The following CERS3 variants were observed in gnomAD, a reference collection of about 807,000 sequenced individuals.
CERS3 encodes the protein LAG1 homolog, ceramide synthase 3.
Under a neutral mutation model 50.3 loss-of-function variants are expected in CERS3, and 33 were observed. That is an observed-to-expected ratio of 0.66 (90% confidence interval 0.50 to 0.88). The LOEUF is 0.88. Among genes scored for constraint, CERS3 ranks in the 40% least tolerant of loss-of-function variants. CERS3 has a pLI of 0.00. For synonymous variants in CERS3, 176 were observed against 155.2 expected, an observed-to-expected ratio of 1.13 and a Z score of -0.99; for missense variants, 470 against 460.3, an observed-to-expected ratio of 1.02 and a Z score of -0.19.
intron 11 of CERS3, among the ~76,000 whole-genome samples, chr15:100,413,216 T>C (rs1567592435): frequency 6.6e-6 from 1 of 152,150 alleles, no homozygotes. Context: ...ATTCACAGCT[T>C]GAAAGTCCCA....
chr15:100,503,239 G>T (rs992670193), intron 2 of CERS3, among the ~76,000 whole-genome samples: 4 of 152,230 alleles, frequency 2.6e-5, no homozygotes, highest in Admixed American at 6.5e-5. Context: ...CTACCAGTGG[G>T]TTGGTACTAC....
intron 10 of CERS3, among the ~76,000 whole-genome samples, chr15:100,466,769 C>T (rs141339158): frequency 0.024 from 609 of 25,136 alleles, 20 homozygotes; most frequent in African/African-American, 0.04. Context: ...TCCTTCCTTC[C>T]TTCCTTCCTT....
At chr15:100,496,929 T>A (rs939833397) in intron 3 of CERS3, among the ~76,000 whole-genome samples, 20 of 152,182 alleles carry the variant, frequency 1.3e-4, no homozygotes, top group Admixed American at 1.2e-3. Context: ...CCAGATGAAT[T>A]AAGTTCTCTT....
chr15:100,417,173 G>C (rs965131174), intron 11 of CERS3, among the ~76,000 whole-genome samples: 1 of 151,650 alleles, frequency 6.6e-6, no homozygotes, highest in African/African-American at 2.4e-5. Flanking sequence ...TGAGGTACCA[G>C]GTTCATCTCA....
At chr15:100,502,075 T>C (rs575719909) in intron 2 of CERS3, among the ~76,000 whole-genome samples, 62 of 151,626 alleles carry the variant, frequency 4.1e-4, no homozygotes, top group Non-Finnish European at 7.2e-4. Flanking sequence ...TGAAATCCCA[T>C]CTCTACTAAA....
intron 9 of CERS3, among the ~76,000 whole-genome samples, chr15:100,472,388 T>A (rs1298428090): frequency 6.6e-6 from 1 of 152,138 alleles, no homozygotes; most frequent in Non-Finnish European, 1.5e-5. Context: ...AAGACTCTTG[T>A]TTTAATGTTG....
At chr15:100,419,949 T>A (rs1407065931) in intron 11 of CERS3, among the ~76,000 whole-genome samples, 1 of 135,716 alleles carries the variant, frequency 7.4e-6, no homozygotes, top group Admixed American at 7.2e-5. Flanking sequence ...GAGGGAAATT[T>A]ATAGCACTAA....
intron 11 of CERS3, among the ~76,000 whole-genome samples, chr15:100,434,162 T>C (rs992610955): frequency 6.6e-6 from 1 of 152,204 alleles, no homozygotes. Flanking sequence ...CCTAGAAGTA[T>C]GTCAGTTGCA....
intron 2 of CERS3, chr15:100,503,981 A>C (rs945752970): frequency 9.3e-6 from 3 of 323,266 alleles, no homozygotes; most frequent in East Asian, 1.7e-4. Context: ...GGTAATGGGA[A>C]GACTAGATCA....
At chr15:100,460,203 A>G (rs1010142327) in intron 10 of CERS3, among the ~76,000 whole-genome samples, 2 of 152,012 alleles carry the variant, frequency 1.3e-5, no homozygotes, top group African/African-American at 4.8e-5. Context: ...ATTTTCCCAT[A>G]TTTTCTTAAA....
At chr15:100,452,249 T>TA (rs2034200149) in intron 11 of CERS3, among the ~76,000 whole-genome samples, 1 of 152,148 alleles carries the variant, frequency 6.6e-6, no homozygotes, top group South Asian at 2.1e-4. Context: ...TCAACAAATT[T>TA]AAAAAAACTG....
At chr15:100,517,952 G>A (rs1290404303) in intron 2 of CERS3, among the ~76,000 whole-genome samples, 1 of 152,202 alleles carries the variant, frequency 6.6e-6, no homozygotes, top group African/African-American at 2.4e-5. Context: ...AATGGCATTG[G>A]GCTGGGGGAT....
At chr15:100,483,792 T>A (rs1596740287) in intron 5 of CERS3, among the ~76,000 whole-genome samples, 1 of 125,480 alleles carries the variant, frequency 8.0e-6, no homozygotes, top group African/African-American at 2.9e-5. Context: ...TTATTATTTT[T>A]TTTTTTGAGA....
intron 3 of CERS3, among the ~76,000 whole-genome samples, chr15:100,492,799 A>T (rs1567659436): frequency 6.6e-6 from 1 of 152,130 alleles, no homozygotes; most frequent in South Asian, 2.1e-4. Context: ...ATTTTGTGTT[A>T]AATAGATATT....
At chr15:100,536,871 T>C (rs1271638506) in intron 1 of CERS3, among the ~76,000 whole-genome samples, 1 of 152,234 alleles carries the variant, frequency 6.6e-6, no homozygotes, top group African/African-American at 2.4e-5. Flanking sequence ...GTCTGAATAA[T>C]ATCTGGGCTG....
At position 100,479,834 on chromosome 15, in the gene CERS3, C is replaced by T. The variant is rs2654572; in HGVS notation, c.465+155G>A. ...CTGCAGCAATAAAAAAATCTTGAGA[C>T]ATCTGTAGCAATATTTGAGACAAAT... On this transcript the variant is annotated intron_variant, in intron 6 of 11. Coordinates refer to ENST00000679737, the MANE Select transcript of CERS3 (RefSeq NM_001378789.1). Among the ~76,000 whole-genome samples, 133,674 of 152,208 alleles carry T rather than the reference C, an allele frequency of 0.88. 59,283 individuals carry two copies. The highest frequency in any genetic ancestry group is 0.96 in the South Asian group (4,619 of 4,826).
intron 11 of CERS3, among the ~76,000 whole-genome samples, chr15:100,444,435 C>T (rs1596673246): frequency 6.6e-6 from 1 of 152,074 alleles, no homozygotes; most frequent in Non-Finnish European, 1.5e-5. Context: ...CACCCCATTT[C>T]CCCACATTTC....
rs76290427 is a variant in CERS3 at position 100,406,632 on chromosome 15, G to A, written c.1000-3767C>T. Among the ~76,000 whole-genome samples the A allele has an allele frequency of 5.3e-3, 806 of 152,204 alleles. 9 individuals are homozygous for A. Among genetic ancestry groups the A allele is most frequent in the African/African-American group, 0.019 (774 of 41,528 alleles). ...CCTCAGTTAAGATGCATCAGAGAAA[G>A]GCAAGCTTTCTCTGATATGCTGGGA... On this transcript the variant is annotated intron_variant, in intron 11 of 11. Transcript: ENST00000679737.
chr15:100,433,523 C>G (rs1009788561), intron 11 of CERS3, among the ~76,000 whole-genome samples: 2 of 152,208 alleles, frequency 1.3e-5, no homozygotes, highest in African/African-American at 4.8e-5. Context: ...AGAGGCCCAG[C>G]CTCCTTGGCT....
Sources: gnomAD v4.1 joint callset for allele counts (sites outside exome capture counted in the v4.1 genomes callset) on GRCh38, gnomAD v4.1.1 for gene constraint, MANE v1.5 for transcripts, NCBI Gene and HGNC (gene_info 2026-07-23, HGNC 2026-07-21) for gene names.